FRMD4B: variants seen among roughly 807,000 people sequenced by gnomAD.
The protein encoded by FRMD4B is FERM domain containing 4B.
In FRMD4B, 74 loss-of-function variants were observed where a neutral mutation model predicts 141.5. The ratio of observed to expected loss-of-function variants is 0.52; its 90% CI spans 0.43 to 0.63. The LOEUF is 0.63. Among genes scored for constraint, FRMD4B ranks in the 30% least tolerant of loss-of-function variants. The probability of loss-of-function intolerance (pLI) is 0.00; values close to 1 mark genes in which losing one functional copy is unlikely to be tolerated. For synonymous variants in FRMD4B, 506 were observed against 467.9 expected, an observed-to-expected ratio of 1.08 and a Z score of -1.05; for missense variants, 1,366 against 1,253.4, an observed-to-expected ratio of 1.09 and a Z score of -1.36.
At chr3:69,420,661 G>A (rs1704959351) in intron 2 of FRMD4B, among the ~76,000 whole-genome samples, 1 of 152,190 alleles carries the variant, frequency 6.6e-6, no homozygotes, top group African/African-American at 2.4e-5. Flanking sequence ...ACCTGAACGG[G>A]ACATGAGAAT....
At chr3:69,531,806 CAT>C (rs754604072) in intron 1 of FRMD4B, among the ~76,000 whole-genome samples, 3 of 152,178 alleles carry the variant, frequency 2.0e-5, no homozygotes, top group Non-Finnish European at 4.4e-5. Context: ...GAGAACCACT[CAT>C]TATCTGAACT....
intron 1 of FRMD4B, among the ~76,000 whole-genome samples, chr3:69,515,126 T>C (rs994296224): frequency 6.6e-6 from 1 of 152,134 alleles, no homozygotes; most frequent in Non-Finnish European, 1.5e-5. Flanking sequence ...GTGTCTTACA[T>C]GGCAGGAACA....
At chr3:69,441,343 T>C (rs1705338177) in intron 1 of FRMD4B, among the ~76,000 whole-genome samples, 1 of 152,182 alleles carries the variant, frequency 6.6e-6, no homozygotes, top group South Asian at 2.1e-4. Flanking sequence ...CTAATTTTAT[T>C]TTGGGACCCT....
At chr3:69,424,639 T>G (rs1705047083) in intron 2 of FRMD4B, among the ~76,000 whole-genome samples, 1 of 152,166 alleles carries the variant, frequency 6.6e-6, no homozygotes, top group African/African-American at 2.4e-5. Flanking sequence ...AAATAAATAT[T>G]AAACAAATGA....
chr3:69,196,170 A>C (rs2092901375), intron 14 of FRMD4B, 85 bp downstream of exon 14: 1 of 1,022,232 alleles, frequency 9.8e-7, no homozygotes, highest in African/African-American at 1.6e-5. Flanking sequence ...ATAATGGATT[A>C]AAAGATGAAT....
At chr3:69,223,732 G>A (rs1343281744) in intron 8 of FRMD4B, among the ~76,000 whole-genome samples, 1 of 151,918 alleles carries the variant, frequency 6.6e-6, no homozygotes, top group Non-Finnish European at 1.5e-5. Context: ...CTTGCTACTC[G>A]GGAAGCTGAG....
rs13076047 is a variant in FRMD4B at position 69,235,374 on chromosome 3, A to G, written c.582-10684T>C. Among the ~76,000 whole-genome samples, 123 of 150,940 alleles carry G rather than the reference A, an allele frequency of 8.1e-4. 1 individual carries two copies. The highest frequency in any genetic ancestry group is 2.8e-3 in the African/African-American group (115 of 41,182). On this transcript the variant is annotated intron_variant, in intron 7 of 22. Transcript: ENST00000398540. The stretch of plus-strand genomic sequence containing the variant: ...CTAATCCCCCAAAAGAAATACTTCT[A>G]AAGGGCCAGGCGCAGTGACTCATGC...
At chr3:69,268,611 A>G (rs1559766159) in intron 5 of FRMD4B, among the ~76,000 whole-genome samples, 1 of 152,044 alleles carries the variant, frequency 6.6e-6, no homozygotes, top group Non-Finnish European at 1.5e-5. Context: ...AAAAAAGAAA[A>G]AATGCAAGGT....
intron 5 of FRMD4B, among the ~76,000 whole-genome samples, chr3:69,277,635 C>T (rs548756558): frequency 6.7e-6 from 1 of 149,746 alleles, no homozygotes; most frequent in African/African-American, 2.5e-5. Context: ...AGGCAATTCT[C>T]CTGCCTCAGC....
Position 69,410,731 on chromosome 3 carries a change from ATATATATATATATATATATATATATAT to A in FRMD4B, c.-1+21876_-1+21902del, listed in dbSNP as rs1704744307. 3.6e-3 allele frequency among the ~76,000 whole-genome samples: 296 copies of A among 81,462 alleles called. 12 individuals are homozygous for A. Among genetic ancestry groups the A allele is most frequent in the African/African-American group, 0.011 (244 of 22,670 alleles). 53.4% of individuals were successfully genotyped at this position (81,462 alleles called of 152,430 possible). ...TATAAATAAATAAATAAATAAATAT[ATATATATATATATATATATATATATAT>A]ATATATATATATATATTTGAGACAG... is the stretch of plus-strand genomic sequence containing the variant. On this transcript the variant is annotated intron_variant, in intron 2 of 5. Coordinates refer to the FRMD4B transcript ENST00000459638.
chr3:69,328,180 C>CTAATATGA (rs1167207393), intron 1 of FRMD4B, among the ~76,000 whole-genome samples: 2 of 149,628 alleles, frequency 1.3e-5, no homozygotes, highest in Non-Finnish European at 2.9e-5. Flanking sequence ...TTAGGTACAA[C>CTAATATGA]TAATATGAAC....
intron 1 of FRMD4B, among the ~76,000 whole-genome samples, chr3:69,340,523 G>A (rs556977557): frequency 3.2e-4 from 49 of 152,326 alleles, no homozygotes; most frequent in African/African-American, 1.1e-3. Context: ...AGGAGACATC[G>A]TGCAGTGGTT....
intron 1 of FRMD4B, among the ~76,000 whole-genome samples, chr3:69,338,099 C>T (rs1702614052): frequency 6.6e-6 from 1 of 152,192 alleles, no homozygotes; most frequent in South Asian, 2.1e-4. Context: ...AAATGTGGCA[C>T]ATATACACCA....
intron 1 of FRMD4B, among the ~76,000 whole-genome samples, chr3:69,337,813 G>A (rs983004229): frequency 3.3e-5 from 5 of 152,274 alleles, no homozygotes; most frequent in African/African-American, 9.6e-5. Flanking sequence ...AACAACAGGT[G>A]CTGGAGAGGA....
chr3:69,327,659 T>G (rs923605067), intron 1 of FRMD4B, among the ~76,000 whole-genome samples: 1 of 152,204 alleles, frequency 6.6e-6, no homozygotes, highest in African/African-American at 2.4e-5. Context: ...AGTTTATAAT[T>G]AAAACAAACG....
chr3:69,288,598 T>C (rs1216241157), intron 4 of FRMD4B, among the ~76,000 whole-genome samples: 1 of 152,216 alleles, frequency 6.6e-6, no homozygotes, highest in East Asian at 1.9e-4. Context: ...AACTCTGTTT[T>C]CATAATCCTG....
In FRMD4B at chr3:69,350,032, AG is replaced by A. The variant is rs1703083041; in HGVS notation, c.162+35795del. On this transcript the variant is annotated intron_variant, in intron 1 of 22. Transcript: ENST00000398540. ...CAAAAAAACTATCATCAGAGTGAAC[AG>A]GCAACCTATAGAATGGGAGAAAATT... 2.0e-5 allele frequency among the ~76,000 whole-genome samples: 3 copies of A among 152,360 alleles called. No homozygotes were observed. The South Asian group carries it at 6.2e-4, about 32-fold the overall frequency.
At chr3:69,345,483 G>C (rs1412255908) in intron 1 of FRMD4B, among the ~76,000 whole-genome samples, 3 of 152,222 alleles carry the variant, frequency 2.0e-5, no homozygotes, top group East Asian at 3.8e-4. Flanking sequence ...GCTTTGAAGA[G>C]AGTAGTTGTT....
chr3:69,261,092 C>G (rs910685527), intron 5 of FRMD4B, among the ~76,000 whole-genome samples: 2 of 152,182 alleles, frequency 1.3e-5, no homozygotes, highest in Non-Finnish European at 2.9e-5. Context: ...GGTCACTTTT[C>G]ACACTGTGGA....
Sources: allele counts gnomAD v4.1 joint callset (sites outside exome capture counted in the v4.1 genomes callset), GRCh38; gene constraint gnomAD v4.1.1; transcripts MANE v1.5; gene names NCBI Gene and HGNC (gene_info 2026-07-23, HGNC 2026-07-21).